SEC24C: variants seen among roughly 807,000 people sequenced by gnomAD.
SEC24C encodes protein transport protein Sec24C.
SEC24C carries 22 observed loss-of-function variants against 117.0 expected under a neutral mutation model. The observed-to-expected ratio is 0.19, with a 90% CI of 0.13 to 0.27. SEC24C has a LOEUF of 0.27. SEC24C is among the 10% of genes least tolerant of loss of function. The pLI is 1.00. For synonymous variants in SEC24C, 506 were observed against 529.4 expected (o/e 0.96, Z 0.61); for missense variants, 1,155 against 1,375.1 (o/e 0.84, Z 2.53).
chr10:73,760,474 A>G, intron 5 of SEC24C, 88 bp downstream of exon 5: 1 of 1,447,668 alleles, frequency 6.9e-7, no homozygotes, highest in Non-Finnish European at 9.2e-7. Flanking sequence ...TGTTTTTAGT[A>G]TTACTTGCTA....
At chr10:73,767,766 T>G (rs1044958029) in intron 14 of SEC24C, 71 bp from the exon 15 acceptor site, 5 of 1,198,858 alleles carry the variant, frequency 4.2e-6, no homozygotes, top group Non-Finnish European at 4.7e-6. Context: ...CCATGCTAGA[T>G]ATACAGTTTT....
chr10:73,747,108 C>T, intron 2 of SEC24C, 104 bp downstream of exon 2: 6 of 1,104,300 alleles, frequency 5.4e-6, no homozygotes, highest in Non-Finnish European at 6.2e-6. Context: ...GTTTGGATAA[C>T]TGGGATTGAG....
intron 2 of SEC24C, among the ~76,000 whole-genome samples, chr10:73,749,978 A>T (rs1197737753): frequency 6.6e-6 from 1 of 152,218 alleles, no homozygotes; most frequent in Non-Finnish European, 1.5e-5. Context: ...TTTCATAAAG[A>T]GATATGGAAA....
At chr10:73,768,753 T>C in intron 15 of SEC24C, 57 bp from the exon 16 acceptor site, 1 of 1,539,388 alleles carries the variant, frequency 6.5e-7, no homozygotes, top group Non-Finnish European at 9.0e-7. Flanking sequence ...AGGGAGATTG[T>C]CTGCACGATG....
chr10:73,769,664 C>G lies in SEC24C; in HGVS notation c.2613C>G (p.Leu871=). 6.2e-7 allele frequency: 1 copy of G among 1,614,178 alleles called. No homozygotes were observed. The highest frequency in any genetic ancestry group is 8.5e-7 in the Non-Finnish European group (1 of 1,180,026). ...CTGTGAAGGCTGTTCGTGACACGCTCATCACCCAGTGTGCCCAGATCCTGG... is the reference window on the plus strand; with the variant it reads ...CTGTGAAGGCTGTTCGTGACACGCTGATCACCCAGTGTGCCCAGATCCTGG... ...NSPVKAVRDT[L]ITQCAQILAC... is the part of the protein sequence containing the mutation. The change falls in exon 19 of 23, where the codon CTC becomes CTG. Residue 871 remains leucine, a synonymous_variant. Transcript: ENST00000345254. This position sits in a 1 kb window ranked among gnomAD's most constrained non-coding sequence, Gnocchi z 4.5.
At chr10:73,748,386 C>T (rs1589508535) in intron 2 of SEC24C, among the ~76,000 whole-genome samples, 1 of 152,012 alleles carries the variant, frequency 6.6e-6, no homozygotes, top group East Asian at 1.9e-4. Flanking sequence ...TCACCCATCT[C>T]GGCTTCCCAA....
At chr10:73,755,712 T>C (rs1489706782) in intron 3 of SEC24C, among the ~76,000 whole-genome samples, 1 of 151,568 alleles carries the variant, frequency 6.6e-6, no homozygotes, top group Non-Finnish European at 1.5e-5. Flanking sequence ...GGGTGGTAGA[T>C]TGACATAATC....
rs775691295 is a variant in SEC24C at position 73,769,388 on chromosome 10, C to T, written c.2466C>T (p.Leu822=). The change falls in exon 18 of 23, where the codon CTC becomes CTT. Residue 822 remains leucine (L), a synonymous_variant. Transcript: ENST00000345254. This position sits in a 1 kb window ranked among gnomAD's most constrained non-coding sequence, Gnocchi z 4.5. The stretch of plus-strand genomic sequence containing the variant: ...CCAGCTGTGCAGGGCAGCGTCGGCT[C>T]CGCATCCATAATCTGGCCCTGAACT... ...LYTSCAGQRR[L]RIHNLALNCC... is the part of the protein sequence containing the mutation. 1 of 1,614,116 alleles carries T rather than the reference C, an allele frequency of 6.2e-7. No individual in the cohort carries two copies. The highest frequency in any genetic ancestry group is 1.7e-5 in the Admixed American group (1 of 60,006).
Position 73,770,421 on chromosome 10 carries a change from G to C in SEC24C, c.3004G>C (p.Val1002Leu). ...GGGAGCAAGCGTCCAACAGGGTGTT[G>C]TCCAGAGCCTTTTCAGCGTCTCCTC... ...WVGASVQQGV[V>L]QSLFSVSSFS... The change falls in exon 21 of 23, where the codon GTC (valine) becomes CTC (leucine). Residue 1002 changes from valine to leucine, a missense_variant. By Grantham distance (32) the Val-to-Leu change is conservative. Transcript: ENST00000345254. 1 of 1,614,102 alleles carries C rather than the reference G, an allele frequency of 6.2e-7. No individual in the cohort carries two copies. The highest frequency in any genetic ancestry group is 8.5e-7 in the Non-Finnish European group (1 of 1,180,026).
At chr10:73,744,714 C>T (rs529506360) in intron 1 of SEC24C, among the ~76,000 whole-genome samples, 19 of 152,240 alleles carry the variant, frequency 1.2e-4, no homozygotes, top group African/African-American at 4.3e-4. Flanking sequence ...CCTCTCTTAA[C>T]GTGGCCCTAG....
At chr10:73,762,180 G>A (rs748722848) in intron 6 of SEC24C, 1 of 1,289,096 alleles carries the variant, frequency 7.8e-7, no homozygotes. Flanking sequence ...AGTGCAGGGG[G>A]TGGGTGTTTG....
At chr10:73,747,868 A>G (rs1159594064) in intron 2 of SEC24C, among the ~76,000 whole-genome samples, 3 of 152,014 alleles carry the variant, frequency 2.0e-5, no homozygotes, top group Non-Finnish European at 4.4e-5. Context: ...CATGTTGGTC[A>G]GGCTGGTCTT....
intron 8 of SEC24C, 53 bp downstream of exon 8, chr10:73,764,036 G>T: frequency 6.5e-7 from 1 of 1,526,960 alleles, no homozygotes; most frequent in Admixed American, 2.1e-5. Flanking sequence ...GTAGAGAGGG[G>T]TCTAAAGCGT....
chr10:73,769,292 G>T lies in SEC24C; in HGVS notation c.2425-55G>T, dbSNP rs878956477. Reference sequence around the variant, plus strand: ...TTCTCTCTTCCAGTTTAATAGTGTAGCAAAGGGCCTTTGTGAGGGAGGGGT... The same window carrying T: ...TTCTCTCTTCCAGTTTAATAGTGTATCAAAGGGCCTTTGTGAGGGAGGGGT... On this transcript the variant is annotated intron_variant, in intron 17 of 22. Coordinates refer to ENST00000345254, the MANE Select transcript of SEC24C (RefSeq NM_198597.3). The surrounding 1 kb of genome is among the most constrained non-coding windows in gnomAD (Gnocchi z 4.5). 29 of 1,604,942 alleles carry T rather than the reference G, an allele frequency of 1.8e-5. No individual in the cohort carries two copies. The South Asian group carries it at 3.0e-4, about 17-fold the overall frequency.
Position 73,746,917 on chromosome 10 carries a change from G to A in SEC24C, c.85G>A (p.Gly29Ser), listed in dbSNP as rs538595432. 32 of 1,614,050 alleles carry A rather than the reference G, an allele frequency of 2.0e-5. No homozygotes were observed. The East Asian group carries it at 3.8e-4, about 19-fold the overall frequency. Residue 29 changes from glycine to serine, a missense_variant, in exon 2 of 23, where the codon GGT becomes AGT. This residue lies in a region of SEC24C where 396 missense variants were observed against 382.8 expected (regional missense o/e 1.03). Coordinates refer to ENST00000345254, the MANE Select transcript of SEC24C (RefSeq NM_198597.3). ...CCCAGGGTATCATCAGTCCAGCTATGGTGGGCAATCAGGGTCCACAGCCCC... is the reference window on the plus strand; with the variant it reads ...CCCAGGGTATCATCAGTCCAGCTATAGTGGGCAATCAGGGTCCACAGCCCC... ...IYPGYHQSSY[G>S]GQSGSTAPAI... is the part of the protein sequence containing the mutation.
chr10:73,759,916 G>A (rs1452871268), intron 4 of SEC24C, 102 bp from the exon 5 acceptor site: 4 of 1,492,026 alleles, frequency 2.7e-6, no homozygotes, highest in Non-Finnish European at 2.7e-6. Context: ...TCAGAAGATG[G>A]GACAGTCATA....
In SEC24C at chr10:73,766,170, C is replaced by T. The variant is rs1448663651; in HGVS notation, c.1567C>T (p.Leu523Phe). ...CATCAGGACTGGTCTTGTTAGGCTCCTCTGTGAGGAGCTCAAGTCACTGTT... is the reference window on the plus strand; with the variant it reads ...CATCAGGACTGGTCTTGTTAGGCTCTTCTGTGAGGAGCTCAAGTCACTGTT... ...NAIRTGLVRL[L>F]CEELKSLLDF... The change falls in exon 11 of 23, where the codon CTC becomes TTC. Residue 523 changes from leucine (L) to phenylalanine (F), a missense_variant. Physicochemically the swap from Leu to Phe is conservative, Grantham distance 22. Around this residue, in one of 2 missense-constraint regions of SEC24C, gnomAD observed 759 missense variants for 992.3 expected, o/e 0.76. Transcript: ENST00000345254. The T allele has an allele frequency of 6.2e-7, 1 of 1,613,834 alleles. No homozygotes were observed. The highest frequency in any genetic ancestry group is 1.1e-5 in the South Asian group (1 of 91,060).
intron 21 of SEC24C, 72 bp from the exon 22 acceptor site, chr10:73,770,637 A>C: frequency 6.5e-7 from 1 of 1,542,138 alleles, no homozygotes; most frequent in South Asian, 1.1e-5. Context: ...GATGATGCAT[A>C]CATGTATGCT....
Position 73,760,194 on chromosome 10 carries a change from G to A in SEC24C, c.658G>A (p.Gly220Ser), listed in dbSNP as rs781124242. 1.2e-6 allele frequency: 2 copies of A among 1,614,116 alleles called. No individual in the cohort carries two copies. The highest frequency in any genetic ancestry group is 8.5e-7 in the Non-Finnish European group (1 of 1,180,016). Residue 220 changes from glycine (G) to serine (S), a missense_variant, in exon 5 of 23, where the codon GGT (glycine) becomes AGT (serine). Gly to Ser is a moderately conservative substitution (Grantham distance 56, BLOSUM62 0). This residue lies in a region of SEC24C where 396 missense variants were observed against 382.8 expected (regional missense o/e 1.03). Transcript: ENST00000345254. ...ASSFTPPASG[G>S]PRLPSMTGPL... ...CAGCTTCACACCCCCAGCTTCAGGG[G>A]GTCCTCGGCTGCCTTCGATGACTGG...
Sources: allele counts gnomAD v4.1 joint callset (sites outside exome capture counted in the v4.1 genomes callset), GRCh38; gene constraint gnomAD v4.1.1; regional missense constraint gnomAD v4.1.1; non-coding constraint Gnocchi (gnomAD v3.1); transcripts MANE v1.5; gene names NCBI Gene and HGNC (gene_info 2026-07-23, HGNC 2026-07-21).